The following PDE4A variants were observed in gnomAD, a reference collection of about 807,000 sequenced individuals.
The protein encoded by PDE4A is 3',5'-cyclic-AMP phosphodiesterase 4A.
A neutral mutation model predicts 73.9 loss-of-function variants in PDE4A; 21 were observed. That is an observed-to-expected ratio of 0.28 (90% confidence interval 0.20 to 0.41). The LOEUF is 0.41. Ranked by LOEUF, PDE4A falls within the 10% of genes least tolerant of loss-of-function variation. PDE4A has a pLI of 1.00. For synonymous variants in PDE4A, 463 were observed against 505.4 expected (o/e 0.92, Z 1.13); for missense variants, 958 against 1,211.4 (o/e 0.79, Z 3.10).
chr19:10,418,664 G>C (rs1291433704), upstream of PDE4A: 1 of 696,982 alleles, frequency 1.4e-6, no homozygotes, highest in African/African-American at 1.9e-5. Context: ...GTCCAGATCA[G>C]TTTATCCCCC....
intron 8 of PDE4A, chr19:10,459,053 C>T (rs1218552815): frequency 1.7e-5 from 5 of 287,374 alleles, no homozygotes; most frequent in Middle Eastern, 1.2e-3. Flanking sequence ...TGTGCTGGGG[C>T]CAGTCGTGCT....
Position 10,454,884 on chromosome 19 carries a change from G to C in PDE4A, c.839G>C (p.Gly280Ala). ...LTHLSEMSRS[G>A]NQVSEYISTT... is the part of the protein sequence containing the mutation. ...CACCTGTCAGAAATGAGCAGGTCCG[G>C]AAACCAGGTCTCAGAGTACATTTCC... Residue 280 changes from glycine (G) to alanine (A), a missense_variant, in exon 7 of 15, where the codon GGA becomes GCA. This residue lies in a region of PDE4A where 570 missense variants were observed against 827.7 expected (regional missense o/e 0.69). Transcript: ENST00000380702. The C allele has an allele frequency of 6.2e-7, 1 of 1,614,100 alleles. No individual in the cohort carries two copies. The highest frequency in any genetic ancestry group is 8.5e-7 in the Non-Finnish European group (1 of 1,180,004).
chr19:10,457,113 G>T (rs1043200046), intron 7 of PDE4A, among the ~76,000 whole-genome samples: 1 of 152,114 alleles, frequency 6.6e-6, no homozygotes, highest in Non-Finnish European at 1.5e-5. Flanking sequence ...TAGGAAAATC[G>T]CTTGAACCCG....
At chr19:10,440,755 C>T (rs933158544) in intron 1 of PDE4A, among the ~76,000 whole-genome samples, 1 of 151,960 alleles carries the variant, frequency 6.6e-6, no homozygotes, top group Non-Finnish European at 1.5e-5. Context: ...CATGGCACCA[C>T]GCCCGGCTAA....
At chr19:10,436,271 T>C (rs537394281) in intron 1 of PDE4A, among the ~76,000 whole-genome samples, 7 of 152,200 alleles carry the variant, frequency 4.6e-5, no homozygotes, top group African/African-American at 1.7e-4. Context: ...AGGACTTATA[T>C]GTTGCCAGGC....
intron 1 of PDE4A, among the ~76,000 whole-genome samples, chr19:10,437,116 G>C (rs143479906): frequency 3.8e-4 from 58 of 152,222 alleles, no homozygotes; most frequent in African/African-American, 1.3e-3. Context: ...CTCACCTTAA[G>C]AACCTTAAGA....
intron 7 of PDE4A, 52 bp downstream of exon 7, chr19:10,454,974 G>C: frequency 6.4e-7 from 1 of 1,572,538 alleles, no homozygotes; most frequent in Non-Finnish European, 8.7e-7. Context: ...GGGGTAGAGA[G>C]GGGGCTGCCC....
intron 2 of PDE4A, 28 bp downstream of exon 2, chr19:10,446,437 T>G (rs778398897): frequency 6.3e-7 from 1 of 1,594,842 alleles, no homozygotes; most frequent in African/African-American, 1.3e-5. Context: ...CACATGCCAG[T>G]TCCCCCAGGC....
chr19:10,442,583 C>G (rs1013981479), intron 1 of PDE4A, among the ~76,000 whole-genome samples: 1 of 151,904 alleles, frequency 6.6e-6, no homozygotes, highest in Admixed American at 6.6e-5. Context: ...CATAGCGTTT[C>G]ATGTCTGTAA....
chr19:10,452,865 AC>A (rs1206765738), intron 6 of PDE4A: 14 of 243,770 alleles, frequency 5.7e-5, no homozygotes, highest in Non-Finnish European at 7.2e-5. Flanking sequence ...CCCCTTTAAT[AC>A]CCCCCCACCC....
At chr19:10,416,858 C>T, upstream of PDE4A, 2 of 1,533,710 alleles carry the variant, frequency 1.3e-6, no homozygotes. Flanking sequence ...GCACTGATGG[C>T]AGATGCGTTT....
intron 1 of PDE4A, among the ~76,000 whole-genome samples, chr19:10,439,982 C>CTTTTTTTTTTTT (rs1162121051): frequency 2.5e-4 from 28 of 114,020 alleles, no homozygotes; most frequent in African/African-American, 1.0e-3. Flanking sequence ...ATGGTATCTC[C>CTTTTTTTTTTTT]TTTTTTTTTT....
At chr19:10,428,696 A>G (rs1229906979) in intron 1 of PDE4A, 22 of 821,680 alleles carry the variant, frequency 2.7e-5, no homozygotes, top group Non-Finnish European at 2.9e-5. Context: ...CTGAGGCTCA[A>G]TGAAATGAAG....
chr19:10,444,584 G>T (rs1160169863), intron 1 of PDE4A, among the ~76,000 whole-genome samples: 2 of 152,048 alleles, frequency 1.3e-5, no homozygotes, highest in Admixed American at 6.6e-5. Context: ...TTGAGCAGAG[G>T]CCTGAAGGAG....
chr19:10,430,150 C>A (rs2042768473), intron 1 of PDE4A, among the ~76,000 whole-genome samples: 1 of 151,842 alleles, frequency 6.6e-6, no homozygotes. Flanking sequence ...GGTGGGGGTT[C>A]TGGGATCTGA....
chr19:10,433,264 T>A lies in PDE4A; in HGVS notation c.320+12180T>A, dbSNP rs184430429. Among the ~76,000 whole-genome samples, 288 of 152,192 alleles carry A rather than the reference T, an allele frequency of 1.9e-3. 1 individual carries two copies. The highest frequency in any genetic ancestry group is 4.9e-4 in the Non-Finnish European group (33 of 67,998). On this transcript the variant is annotated intron_variant, in intron 1 of 14. Transcript: ENST00000380702. ...CCAAGAGGACCCTGCAGTTGACTCA[T>A]GGCCACACACAGGTGACACACAGAC... is the stretch of plus-strand genomic sequence containing the variant.
intron 1 of PDE4A, among the ~76,000 whole-genome samples, chr19:10,437,850 G>A (rs1251451051): frequency 7.1e-6 from 1 of 141,032 alleles, no homozygotes; most frequent in Non-Finnish European, 1.5e-5. Flanking sequence ...TATCACCCAG[G>A]CTGGAGTGCA....
chr19:10,432,492 C>A, intron 1 of PDE4A: 1 of 1,514,238 alleles, frequency 6.6e-7, no homozygotes, highest in Admixed American at 2.2e-5. Context: ...GGCACTGCCC[C>A]CCACGGGCCC....
In PDE4A at chr19:10,431,320, G is replaced by C. The variant is rs747946713; in HGVS notation, c.320+10236G>C. 4.6e-5 allele frequency among the ~76,000 whole-genome samples: 7 copies of C among 152,230 alleles called. No individual in the cohort carries two copies. The South Asian group carries it at 8.3e-4, about 18-fold the overall frequency. Reference sequence around the variant, plus strand: ...ACTTCCTGTGCAAACCTGAAGCTGCGGTCACGCTTTGGAGGAGTGAGGGCG... The same window carrying C: ...ACTTCCTGTGCAAACCTGAAGCTGCCGTCACGCTTTGGAGGAGTGAGGGCG... On this transcript the variant is annotated intron_variant, in intron 1 of 14. Transcript: ENST00000380702.
Sources: allele counts gnomAD v4.1 joint callset (sites outside exome capture counted in the v4.1 genomes callset), GRCh38; gene constraint gnomAD v4.1.1; regional missense constraint gnomAD v4.1.1; transcripts MANE v1.5; gene names NCBI Gene and HGNC (gene_info 2026-07-23, HGNC 2026-07-21).